GRM8: variants seen among roughly 807,000 people sequenced by gnomAD.
GRM8 encodes metabotropic glutamate receptor 8.
Under a neutral mutation model 87.2 loss-of-function variants are expected in GRM8, and 47 were observed. That is an observed-to-expected ratio of 0.54 (90% CI 0.43 to 0.69). The LOEUF (loss-of-function observed/expected upper bound fraction) is 0.69. Among genes scored for constraint, GRM8 ranks in the 30% least tolerant of loss-of-function variants. The pLI is 0.00. For missense variants in GRM8, 1,019 were observed against 1,139.2 expected, an observed-to-expected ratio of 0.89 and a Z score of 1.52; for synonymous variants, 396 against 404.5, an observed-to-expected ratio of 0.98 and a Z score of 0.25.
chr7:127,106,524 C>A lies in GRM8; in HGVS notation c.699G>T (p.Glu233Asp). ...TCTCCCTCGAGATCTGGGTGAAGGC[C>A]TCCACACCGCTCTCACCATAGTTCC... ...SEGNYGESGV[E>D]AFTQISREIG... The change falls in exon 3 of 11, where the codon GAG (glutamate) becomes GAT (aspartate). Residue 233 changes from glutamate (E) to aspartate (D), a missense_variant. By Grantham distance (45) the Glu-to-Asp change is conservative. Transcript: ENST00000339582. The A allele has an allele frequency of 6.2e-7, 1 of 1,613,848 alleles. No individual in the cohort carries two copies. The highest frequency in any genetic ancestry group is 1.3e-5 in the African/African-American group (1 of 75,028).
At chr7:126,914,684 T>C (rs1185217813) in intron 3 of GRM8, among the ~76,000 whole-genome samples, 1 of 152,160 alleles carries the variant, frequency 6.6e-6, no homozygotes, top group Non-Finnish European at 1.5e-5. Context: ...AACAAAATAT[T>C]TCACGTTCTT....
intron 9 of GRM8, among the ~76,000 whole-genome samples, chr7:126,475,057 C>T (rs555934863): frequency 1.3e-5 from 2 of 152,178 alleles, no homozygotes; most frequent in Admixed American, 6.5e-5. Flanking sequence ...AGCTTTTCCT[C>T]TAAGATGAGG....
chr7:126,462,007 CT>C (rs1803944684), intron 9 of GRM8, among the ~76,000 whole-genome samples: 1 of 151,604 alleles, frequency 6.6e-6, no homozygotes, highest in African/African-American at 2.4e-5. Flanking sequence ...ATATTTCTCA[CT>C]TCTCATAATG....
At chr7:127,212,564 C>T (rs968615055) in intron 2 of GRM8, among the ~76,000 whole-genome samples, 2 of 151,598 alleles carry the variant, frequency 1.3e-5, no homozygotes, top group Non-Finnish European at 3.0e-5. Context: ...ACTACAGGCG[C>T]CCGCCACTAC....
intron 3 of GRM8, among the ~76,000 whole-genome samples, chr7:126,911,991 A>T (rs1803353880): frequency 6.6e-6 from 1 of 152,130 alleles, no homozygotes. Flanking sequence ...TCAGGAGATC[A>T]AGACCATCCT....
intron 7 of GRM8, among the ~76,000 whole-genome samples, chr7:126,750,560 G>A (rs191508080): frequency 6.6e-6 from 1 of 152,174 alleles, no homozygotes; most frequent in East Asian, 1.9e-4. Flanking sequence ...AAAAAGTCAT[G>A]AATGTTAATA....
rs147739673 is a variant in GRM8 at position 126,494,470 on chromosome 7, C to T, written c.2430+38482G>A. 9.9e-3 allele frequency among the ~76,000 whole-genome samples: 1,512 copies of T among 152,044 alleles called. 12 individuals are homozygous for T. Among genetic ancestry groups the T allele is most frequent in the Non-Finnish European group, 0.015 (1,046 of 67,930 alleles). ...GATAAAGACATCCAAAAATTCAAGT[C>T]TTGATGTTAATCATTTATATTTTTA... On this transcript the variant is annotated intron_variant, in intron 9 of 10. Coordinates refer to ENST00000339582, the MANE Select transcript of GRM8 (RefSeq NM_000845.3).
intron 6 of GRM8, among the ~76,000 whole-genome samples, chr7:126,798,970 A>G (rs761665667): frequency 1.3e-5 from 2 of 152,146 alleles, no homozygotes; most frequent in African/African-American, 2.4e-5. Context: ...GCACTATTGG[A>G]GAACACTCCA....
chr7:127,206,637 G>A (rs190630912), intron 2 of GRM8, among the ~76,000 whole-genome samples: 5 of 145,152 alleles, frequency 3.4e-5, no homozygotes, highest in African/African-American at 1.4e-4. Context: ...AAACTCCCAG[G>A]CACATGCATG....
intron 3 of GRM8, among the ~76,000 whole-genome samples, chr7:126,921,807 T>C (rs1418642158): frequency 6.6e-6 from 1 of 152,134 alleles, no homozygotes; most frequent in Non-Finnish European, 1.5e-5. Context: ...ATGCATACCT[T>C]TTTTTAGGAA....
intron 7 of GRM8, among the ~76,000 whole-genome samples, chr7:126,750,682 C>A (rs565690452): frequency 3.9e-5 from 6 of 152,028 alleles, no homozygotes; most frequent in Admixed American, 6.6e-5. Flanking sequence ...TTGGCTTTTG[C>A]TCCTCAGTTC....
intron 7 of GRM8, among the ~76,000 whole-genome samples, chr7:126,623,565 G>A (rs1186213136): frequency 6.6e-6 from 1 of 152,102 alleles, no homozygotes. Flanking sequence ...AGCAGCCACT[G>A]CTCCCTCGCT....
chr7:126,682,157 C>T (rs960774345), intron 7 of GRM8, among the ~76,000 whole-genome samples: 3 of 152,202 alleles, frequency 2.0e-5, no homozygotes, highest in South Asian at 2.1e-4. Flanking sequence ...TGCTTATACA[C>T]GTTTATTTTC....
At chr7:126,806,028 T>G (rs1792649342) in intron 6 of GRM8, among the ~76,000 whole-genome samples, 1 of 152,218 alleles carries the variant, frequency 6.6e-6, no homozygotes, top group South Asian at 2.1e-4. Context: ...TTGTCCCTGA[T>G]GTTCAGCCTA....
At chr7:126,722,728 G>C (rs535062491) in intron 7 of GRM8, among the ~76,000 whole-genome samples, 1 of 151,380 alleles carries the variant, frequency 6.6e-6, no homozygotes, top group East Asian at 1.9e-4. Flanking sequence ...GTCTTCTTAC[G>C]TATCACAATA....
intron 2 of GRM8, among the ~76,000 whole-genome samples, chr7:127,222,258 A>G (rs1169927789): frequency 6.6e-6 from 1 of 152,204 alleles, no homozygotes. Context: ...ATATATAAAA[A>G]GTAGCTGGGC....
chr7:127,217,878 TA>T (rs1587303111), intron 2 of GRM8, among the ~76,000 whole-genome samples: 1 of 152,366 alleles, frequency 6.6e-6, no homozygotes, highest in East Asian at 1.9e-4. Flanking sequence ...ATTATAAAAT[TA>T]AGCTCTGAAT....
At chr7:126,953,816 T>C (rs1397225579) in intron 3 of GRM8, among the ~76,000 whole-genome samples, 1 of 152,118 alleles carries the variant, frequency 6.6e-6, no homozygotes, top group Non-Finnish European at 1.5e-5. Context: ...TGAACTCCAG[T>C]GGATTATACA....
At chr7:126,904,510 A>G in intron 4 of GRM8, 38 bp downstream of exon 4, 1 of 1,594,654 alleles carries the variant, frequency 6.3e-7, no homozygotes, top group Non-Finnish European at 8.6e-7. Flanking sequence ...TATGGGACAC[A>G]AATCTGACCC....
Sources: gnomAD v4.1 joint callset for allele counts (sites outside exome capture counted in the v4.1 genomes callset) on GRCh38, gnomAD v4.1.1 for gene constraint, MANE v1.5 for transcripts, NCBI Gene and HGNC (gene_info 2026-07-23, HGNC 2026-07-21) for gene names.